The following SKP1 variants were observed in gnomAD, a reference collection of about 807,000 sequenced individuals.
SKP1 encodes S-phase kinase-associated protein 1.
SKP1 carries 1 observed loss-of-function variant against 21.5 expected under a neutral mutation model. The observed-to-expected ratio is 0.05, with a 90% confidence interval of 0.02 to 0.22. SKP1 has a LOEUF of 0.22. Among genes scored for constraint, SKP1 ranks in the 10% least tolerant of loss-of-function variants. The pLI is 1.00. For missense variants in SKP1, 70 were observed against 192.0 expected (o/e 0.36, Z 3.76); for synonymous variants, 59 against 59.3 (o/e 0.99, Z 0.03).
chr5:134,151,388 T>C lies in SKP1; in HGVS notation c.*6345A>G, dbSNP rs186775024. The C allele has an allele frequency of 1.4e-5, 3 of 218,622 alleles. No homozygotes were observed. The highest frequency in any genetic ancestry group is 6.8e-5 in the African/African-American group (3 of 44,298). 13.5% of individuals were successfully genotyped at this position (218,622 alleles called of 1,614,324 possible). On this transcript the variant is annotated 3_prime_UTR_variant, in exon 6 of 6. Coordinates refer to ENST00000353411, the MANE Select transcript of SKP1 (RefSeq NM_170679.3). ...GTACTTGAGGATAGAGTACAGCTTCTCTATTTTCCCACCCCTTTCCGTAAG... is the reference window on the plus strand; with the variant it reads ...GTACTTGAGGATAGAGTACAGCTTCCCTATTTTCCCACCCCTTTCCGTAAG...
At position 134,151,675 on chromosome 5, in the gene SKP1, T is replaced by C. The variant is rs1351759120; in HGVS notation, c.*6058A>G. ...TTCCAGAAAATTTAAAGTTGACAGA[T>C]ATCAGAAGGTCGCAAGAACTACAGA... is the stretch of plus-strand genomic sequence containing the variant. On this transcript the variant is annotated 3_prime_UTR_variant, in exon 6 of 6. Transcript: ENST00000353411. 2.2e-6 allele frequency: 1 copy of C among 456,226 alleles called. No individual in the cohort carries two copies. 28.3% of individuals were successfully genotyped at this position (456,226 alleles called of 1,614,324 possible).
chr5:134,158,431 A>G (rs1761158980), intron 5 of SKP1, 24 bp downstream of exon 5: 1 of 1,613,978 alleles, frequency 6.2e-7, no homozygotes. Context: ...CATGTGATCA[A>G]AGACAAAACT....
At chr5:134,158,766 T>G (rs770428551) in intron 4 of SKP1, 171 bp from the exon 5 acceptor site, 24 of 633,826 alleles carry the variant, frequency 3.8e-5, no homozygotes, top group Non-Finnish European at 6.6e-5. Context: ...TTATGTGACC[T>G]TCTTTGTTAT....
intron 2 of SKP1, among the ~76,000 whole-genome samples, chr5:134,169,473 A>G (rs996039447): frequency 1.3e-5 from 2 of 152,216 alleles, no homozygotes; most frequent in Non-Finnish European, 2.9e-5. Flanking sequence ...AATGTAAAAT[A>G]CTTTTATCTT....
chr5:134,171,052 C>T (rs2149376803), intron 2 of SKP1: 1 of 455,852 alleles, frequency 2.2e-6, no homozygotes. Flanking sequence ...TGGGATGTAC[C>T]AAGGAGTTTA....
chr5:134,165,585 CAAAA>C lies in SKP1; in HGVS notation c.171+1581_171+1584del, dbSNP rs10707716. On this transcript the variant is annotated intron_variant, in intron 3 of 5. Transcript: ENST00000353411. Reference sequence around the variant, plus strand: ...AGCCTGGGCGACAGAGTGTCTGTCTCAAAAAAAAAAAAAAAAAAATGCCAGGCTC... The same window carrying C: ...AGCCTGGGCGACAGAGTGTCTGTCTCAAAAAAAAAAAAAAATGCCAGGCTC... Among the ~76,000 whole-genome samples the C allele has an allele frequency of 8.7e-3, 850 of 97,656 alleles. 5 individuals are homozygous for C. The highest frequency in any genetic ancestry group is 0.03 in the African/African-American group (789 of 26,346). 64.1% of individuals were successfully genotyped at this position (97,656 alleles called of 152,430 possible).
In SKP1 at chr5:134,176,931, G is replaced by T. The variant is rs1277954757; in HGVS notation, c.-77C>A. 6.6e-6 allele frequency: 1 copy of T among 152,604 alleles called. No homozygotes were observed. The highest frequency in any genetic ancestry group is 1.5e-5 in the Non-Finnish European group (1 of 68,188). 9.5% of individuals were successfully genotyped at this position (152,604 alleles called of 1,614,324 possible). On this transcript the variant is annotated 5_prime_UTR_variant, in exon 1 of 6. Transcript: ENST00000353411. ...GCGTTAGCGAAGGAAGAGAAAAACC[G>T]AAGACGAAGCCACTACAGCGTCGCA...
At chr5:134,172,822 C>A (rs531741694) in intron 2 of SKP1, among the ~76,000 whole-genome samples, 1 of 151,932 alleles carries the variant, frequency 6.6e-6, no homozygotes, top group South Asian at 2.1e-4. Flanking sequence ...ACCAGCCTGA[C>A]AAACATGGTA....
In SKP1 at chr5:134,152,392, T is replaced by C. The variant is rs954092660; in HGVS notation, c.*5341A>G. The C allele has an allele frequency of 2.0e-5, 3 of 152,232 alleles. No individual in the cohort carries two copies. The highest frequency in any genetic ancestry group is 4.4e-5 in the Non-Finnish European group (3 of 68,056). The allele number at this position is 152,232 out of a possible 1,614,324, so 9.4% of individuals were successfully genotyped here. A position where few individuals can be genotyped will look rare whatever the true frequency, so the allele number is the denominator to read the frequency against. Reference sequence around the variant, plus strand: ...ACCTTCTGCTGTTAGTTCCTGACTGTGCACTGCTTTTTCCTCACTTTGGCA... The same window carrying C: ...ACCTTCTGCTGTTAGTTCCTGACTGCGCACTGCTTTTTCCTCACTTTGGCA... On this transcript the variant is annotated 3_prime_UTR_variant, in exon 6 of 6. Coordinates refer to ENST00000353411, the MANE Select transcript of SKP1 (RefSeq NM_170679.3).
At chr5:134,173,750 A>G in intron 2 of SKP1, 176 bp downstream of exon 2, 1 of 690,414 alleles carries the variant, frequency 1.4e-6, no homozygotes, top group Non-Finnish European at 2.7e-6. Flanking sequence ...TAATTCAGAC[A>G]ATGCAGAAAG....
intron 4 of SKP1, 51 bp downstream of exon 4, chr5:134,160,933 TAAG>T (rs1329677656): frequency 1.8e-5 from 23 of 1,271,464 alleles, no homozygotes; most frequent in Admixed American, 2.2e-5. Flanking sequence ...TTTAAATCTA[TAAG>T]AAGTGTTTAA....
chr5:134,167,432 C>T (rs1040712202), intron 2 of SKP1, among the ~76,000 whole-genome samples, 189 bp from the exon 3 acceptor site: 5 of 152,104 alleles, frequency 3.3e-5, no homozygotes, highest in Non-Finnish European at 7.4e-5. Flanking sequence ...AACATGTAGA[C>T]TTGTTTCCTG....
chr5:134,174,614 G>T, intron 1 of SKP1: 1 of 330,620 alleles, frequency 3.0e-6, no homozygotes, highest in Non-Finnish European at 4.3e-6. Context: ...TCATTTCAGA[G>T]CCCTTTTTAT....
At chr5:134,173,845 C>A in intron 2 of SKP1, 81 bp downstream of exon 2, 1 of 823,642 alleles carries the variant, frequency 1.2e-6, no homozygotes, top group Non-Finnish European at 2.2e-6. Context: ...TTATGACAGG[C>A]TGCTGCTCAT....
rs933589596 is a variant in SKP1, at chr5:134,149,253, CTCCAATGTCTATTAT to C, written c.*8465_*8479del. On this transcript the variant is annotated 3_prime_UTR_variant, in exon 6 of 6. Coordinates refer to ENST00000353411, the MANE Select transcript of SKP1 (RefSeq NM_170679.3). The stretch of plus-strand genomic sequence containing the variant: ...CCTTTCATCTCCCACCTTTTGAAGT[CTCCAATGTCTATTAT>C]TCCATTCCGTATCCATATACCATGT... The C allele has an allele frequency of 6.6e-6, 1 of 152,210 alleles. No individual in the cohort carries two copies. Among genetic ancestry groups the C allele is most frequent in the African/African-American group, 2.4e-5 (1 of 41,434 alleles). The allele number at this position is 152,210 out of a possible 1,614,324, so 9.4% of individuals were successfully genotyped here. A position where few individuals can be genotyped will look rare whatever the true frequency, so the allele number is the denominator to read the frequency against.
intron 1 of SKP1, chr5:134,174,907 A>G (rs1469844075): frequency 1.3e-5 from 2 of 152,198 alleles, no homozygotes; most frequent in African/African-American, 2.4e-5. Flanking sequence ...AAGGAAAACA[A>G]CAACAACAAA....
In SKP1 at chr5:134,153,917, G is replaced by C. The variant is rs1231406612; in HGVS notation, c.*3816C>G. ...TATGATGTCATGTTACAAGGCTGCA[G>C]TTACCTGTCCAACCAAGTCACAATA... On this transcript the variant is annotated 3_prime_UTR_variant, in exon 6 of 6. Coordinates refer to ENST00000353411, the MANE Select transcript of SKP1 (RefSeq NM_170679.3). 1 of 152,190 alleles carries C rather than the reference G, an allele frequency of 6.6e-6. No homozygotes were observed. The highest frequency in any genetic ancestry group is 1.5e-5 in the Non-Finnish European group (1 of 68,044). 9.4% of individuals were successfully genotyped at this position (152,190 alleles called of 1,614,324 possible).
At chr5:134,167,770 C>G (rs1761361457) in intron 2 of SKP1, among the ~76,000 whole-genome samples, 1 of 152,148 alleles carries the variant, frequency 6.6e-6, no homozygotes, top group Non-Finnish European at 1.5e-5. Flanking sequence ...GTGATCTACC[C>G]GCTTCAGCCT....
At chr5:134,158,675 T>G in intron 4 of SKP1, 80 bp from the exon 5 acceptor site, 1 of 1,187,226 alleles carries the variant, frequency 8.4e-7, no homozygotes, top group Non-Finnish European at 1.2e-6. Context: ...ACACTCCGTA[T>G]CTAATAAAGC....
Sources: allele counts gnomAD v4.1 joint callset (sites outside exome capture counted in the v4.1 genomes callset), GRCh38; gene constraint gnomAD v4.1.1; transcripts MANE v1.5; gene names NCBI Gene and HGNC (gene_info 2026-07-23, HGNC 2026-07-21).